TASP1: variants seen among roughly 807,000 people sequenced by gnomAD.
TASP1 encodes the protein taspase 1, also known as threonine aspartase 1.
TASP1 carries 16 observed loss-of-function variants against 56.6 expected under a neutral mutation model. The observed-to-expected ratio is 0.28, with a 90% confidence interval of 0.19 to 0.43. The LOEUF is 0.43. Among genes scored for constraint, TASP1 ranks in the 20% least tolerant of loss-of-function variants. The pLI, the probability that TASP1 is intolerant of heterozygous loss-of-function variation, is 1.00. For synonymous variants in TASP1, 179 were observed against 184.2 expected (o/e 0.97, Z 0.23); for missense variants, 393 against 511.6 (o/e 0.77, Z 2.24).
the TASP1 span, among the ~76,000 whole-genome samples, chr20:13,229,128 TTCTTC>T: frequency 1.1e-4 from 17 of 148,506 alleles, no homozygotes; most frequent in Admixed American, 2.0e-4. Context: ...TTCCTTATCT[TTCTTC>T]TCTTCTCTCT....
chr20:13,267,563 G>A, the TASP1 span, among the ~76,000 whole-genome samples: 5 of 152,110 alleles, frequency 3.3e-5, no homozygotes, highest in African/African-American at 9.7e-5. Context: ...CAAAGTCCTC[G>A]AGTCCTAGAG....
chr20:13,458,472 C>T (rs1436539148), intron 11 of TASP1, among the ~76,000 whole-genome samples: 8 of 151,952 alleles, frequency 5.3e-5, no homozygotes, highest in Admixed American at 1.3e-4. Context: ...CTCAGCCTCC[C>T]GAGTAGCTGG....
the TASP1 span, chr20:13,165,776 C>A: frequency 6.6e-6 from 1 of 152,116 alleles, no homozygotes; most frequent in African/African-American, 2.4e-5. Flanking sequence ...AGAATCGACT[C>A]CCAAGACTAT....
the TASP1 span, among the ~76,000 whole-genome samples, chr20:13,290,542 G>A: frequency 5.3e-5 from 8 of 152,212 alleles, no homozygotes; most frequent in African/African-American, 9.6e-5. Flanking sequence ...CCAGCTACTC[G>A]GGAGGCTGAG....
At chr20:13,550,752 C>A (rs1007101968) in intron 8 of TASP1, among the ~76,000 whole-genome samples, 8 of 152,092 alleles carry the variant, frequency 5.3e-5, no homozygotes, top group Non-Finnish European at 7.4e-5. Context: ...CCAGGGCTGG[C>A]TGTTTGAAAC....
the TASP1 span, among the ~76,000 whole-genome samples, chr20:13,143,801 A>G: frequency 6.6e-6 from 1 of 152,094 alleles, no homozygotes; most frequent in Non-Finnish European, 1.5e-5. Flanking sequence ...CATTAACACA[A>G]TTACTCAGCC....
the TASP1 span, chr20:13,117,872 C>T: frequency 4.5e-6 from 3 of 672,164 alleles, no homozygotes. Context: ...GGTTCACAGC[C>T]AGATAAGGCC....
At chr20:13,442,013 T>C (rs1241591200) in intron 11 of TASP1, among the ~76,000 whole-genome samples, 1 of 152,112 alleles carries the variant, frequency 6.6e-6, no homozygotes, top group African/African-American at 2.4e-5. Context: ...GCGTAGCCTT[T>C]CTTATCCTTC....
chr20:13,363,444 C>T, the TASP1 span, among the ~76,000 whole-genome samples: 5 of 152,310 alleles, frequency 3.3e-5, no homozygotes, highest in Non-Finnish European at 7.4e-5. Flanking sequence ...CTGTATATAG[C>T]TGTTCATCTG....
chr20:13,113,646 AC>A, the TASP1 span, among the ~76,000 whole-genome samples: 1 of 152,188 alleles, frequency 6.6e-6, no homozygotes, highest in African/African-American at 2.4e-5. Context: ...TGGCATCACC[AC>A]CTACATCTGT....
At chr20:13,354,759 C>T in the TASP1 span, among the ~76,000 whole-genome samples, 2 of 151,608 alleles carry the variant, frequency 1.3e-5, no homozygotes, top group East Asian at 1.9e-4. Context: ...CCCTAAAGAC[C>T]GCATCAAAAC....
the TASP1 span, among the ~76,000 whole-genome samples, chr20:13,293,454 C>A: frequency 6.6e-6 from 1 of 151,850 alleles, no homozygotes; most frequent in Admixed American, 6.6e-5. Context: ...CTTACTTAGC[C>A]TCTTCACCTC....
At chr20:13,273,240 A>ATTTTATTT in the TASP1 span, among the ~76,000 whole-genome samples, 1 of 149,668 alleles carries the variant, frequency 6.7e-6, no homozygotes, top group Non-Finnish European at 1.5e-5. Context: ...ATTTTATTTT[A>ATTTTATTT]TTTTATTTTA....
At chr20:13,521,338 G>A (rs1304203423) in intron 10 of TASP1, among the ~76,000 whole-genome samples, 1 of 152,070 alleles carries the variant, frequency 6.6e-6, no homozygotes, top group Non-Finnish European at 1.5e-5. Flanking sequence ...TGTTTACTGT[G>A]GCACTATTCA....
chr20:13,151,882 A>G, the TASP1 span, among the ~76,000 whole-genome samples: 1 of 151,962 alleles, frequency 6.6e-6, no homozygotes, highest in Non-Finnish European at 1.5e-5. Context: ...GGGGCCCTAG[A>G]CTCCAACCTA....
At chr20:13,109,072 T>TA in the TASP1 span, among the ~76,000 whole-genome samples, 5 of 152,270 alleles carry the variant, frequency 3.3e-5, no homozygotes, top group Admixed American at 1.3e-4. Flanking sequence ...GCTTAAATGT[T>TA]AAAAACAAAA....
the TASP1 span, among the ~76,000 whole-genome samples, chr20:13,200,178 G>A: frequency 2.6e-5 from 4 of 151,996 alleles, no homozygotes; most frequent in Non-Finnish European, 4.4e-5. Flanking sequence ...ACAACAATCC[G>A]AGACATAACC....
chr20:13,234,725 A>T, the TASP1 span, among the ~76,000 whole-genome samples: 42 of 152,082 alleles, frequency 2.8e-4, no homozygotes, highest in Non-Finnish European at 5.6e-4. Context: ...GCATTTTTTC[A>T]TATGTTTGTT....
chr20:13,474,280 C>T (rs2044636069), intron 11 of TASP1, among the ~76,000 whole-genome samples: 1 of 152,120 alleles, frequency 6.6e-6, no homozygotes. Flanking sequence ...TTATCCCTCA[C>T]TCCCCTCCCA....
Sources: allele counts gnomAD v4.1 joint callset (sites outside exome capture counted in the v4.1 genomes callset), GRCh38; gene constraint gnomAD v4.1.1; transcripts MANE v1.5; gene names NCBI Gene and HGNC (gene_info 2026-07-23, HGNC 2026-07-21).